LYPLAL1: variants seen among roughly 807,000 people sequenced by gnomAD.
LYPLAL1 encodes lysophospholipase like 1, also known as lysophospholipase-like protein 1.
A neutral mutation model predicts 19.7 loss-of-function variants in LYPLAL1; 23 were observed. That is an observed-to-expected ratio of 1.17 (90% CI 0.84 to 1.65). The LOEUF (loss-of-function observed/expected upper bound fraction) is 1.65. LYPLAL1 is among the 40% of genes most tolerant of loss of function. The pLI, the probability that LYPLAL1 is intolerant of heterozygous loss-of-function variation, is 0.00. For missense variants in LYPLAL1, 355 were observed against 279.4 expected, an observed-to-expected ratio of 1.27 and a Z score of -1.93; for synonymous variants, 119 against 96.3, an observed-to-expected ratio of 1.24 and a Z score of -1.38.
intron 3 of LYPLAL1, among the ~76,000 whole-genome samples, chr1:219,198,219 A>C (rs562311017): frequency 1.3e-5 from 2 of 152,148 alleles, no homozygotes; most frequent in African/African-American, 2.4e-5. Flanking sequence ...CAGCATATAC[A>C]GAAGTATTTC....
At chr1:219,328,303 T>A in the LYPLAL1 span, among the ~76,000 whole-genome samples, 35,976 of 152,068 alleles carry the variant, frequency 0.24, 4,833 homozygotes, top group African/African-American at 0.37. Flanking sequence ...CTAGGAAAAA[T>A]TTCCTAAGCT....
the LYPLAL1 span, among the ~76,000 whole-genome samples, chr1:219,398,258 C>CT: frequency 3.9e-5 from 6 of 152,218 alleles, no homozygotes; most frequent in South Asian, 2.1e-4. Context: ...CCCTTTTATT[C>CT]TTTTTTTCTC....
chr1:219,308,287 G>T, the LYPLAL1 span, among the ~76,000 whole-genome samples: 1 of 152,112 alleles, frequency 6.6e-6, no homozygotes, highest in African/African-American at 2.4e-5. Flanking sequence ...AGTTTTAAAA[G>T]GGAAGCATAA....
the LYPLAL1 span, among the ~76,000 whole-genome samples, chr1:219,253,763 G>T: frequency 6.6e-6 from 1 of 152,032 alleles, no homozygotes; most frequent in Non-Finnish European, 1.5e-5. Context: ...TTGTTTTTGG[G>T]TGGAGAGTTC....
At chr1:219,276,494 A>G in the LYPLAL1 span, among the ~76,000 whole-genome samples, 1 of 152,270 alleles carries the variant, frequency 6.6e-6, no homozygotes, top group African/African-American at 2.4e-5. Context: ...GAATTGAGTC[A>G]GCCAGAGGGT....
chr1:219,386,351 C>G, the LYPLAL1 span, among the ~76,000 whole-genome samples: 4 of 152,154 alleles, frequency 2.6e-5, no homozygotes, highest in Non-Finnish European at 4.4e-5. Context: ...AGAAAACTAG[C>G]TGTATGACTG....
intron 2 of LYPLAL1, among the ~76,000 whole-genome samples, chr1:219,179,594 T>G (rs1320253266): frequency 6.6e-6 from 1 of 152,224 alleles, no homozygotes; most frequent in African/African-American, 2.4e-5. Context: ...CTCCAACAAG[T>G]ATAATCTTTC....
chr1:219,431,693 T>A, the LYPLAL1 span, among the ~76,000 whole-genome samples: 301 of 152,348 alleles, frequency 2.0e-3, 2 homozygotes, highest in African/African-American at 7.1e-3. Context: ...ATTTCTCCTT[T>A]CTTGCTTGTT....
the LYPLAL1 span, among the ~76,000 whole-genome samples, chr1:219,428,704 C>T: frequency 6.6e-6 from 1 of 152,212 alleles, no homozygotes. Context: ...GCTTAATATT[C>T]AAACAATCAT....
chr1:219,416,549 C>T, the LYPLAL1 span, among the ~76,000 whole-genome samples: 7 of 152,152 alleles, frequency 4.6e-5, no homozygotes, highest in Admixed American at 4.6e-4. Context: ...GAGTCAGCAA[C>T]ATATGGGCTT....
the LYPLAL1 span, among the ~76,000 whole-genome samples, chr1:219,391,742 GT>G: frequency 6.6e-6 from 1 of 152,010 alleles, no homozygotes; most frequent in Non-Finnish European, 1.5e-5. Context: ...GTTGAATTTT[GT>G]TTCTACTCTT....
chr1:219,289,590 A>C, the LYPLAL1 span, among the ~76,000 whole-genome samples: 2 of 152,176 alleles, frequency 1.3e-5, no homozygotes, highest in African/African-American at 4.8e-5. Flanking sequence ...GTGGGCATGC[A>C]GAAAGAAGTA....
At chr1:219,316,477 T>G in the LYPLAL1 span, among the ~76,000 whole-genome samples, 22 of 152,190 alleles carry the variant, frequency 1.4e-4, no homozygotes, top group Non-Finnish European at 2.9e-4. Context: ...AAGTGTTCTT[T>G]CCTTTTAAAT....
chr1:219,283,237 TC>T, the LYPLAL1 span, among the ~76,000 whole-genome samples: 2 of 152,204 alleles, frequency 1.3e-5, no homozygotes, highest in East Asian at 3.8e-4. Flanking sequence ...CAGGGCATGT[TC>T]TTTGCCATGT....
the LYPLAL1 span, among the ~76,000 whole-genome samples, chr1:219,256,709 T>G: frequency 4.1e-4 from 63 of 152,166 alleles, no homozygotes; most frequent in African/African-American, 1.5e-3. Flanking sequence ...AATATATGTT[T>G]GTAAGATAAC....
chr1:219,239,056 T>C, the LYPLAL1 span, among the ~76,000 whole-genome samples: 1 of 152,188 alleles, frequency 6.6e-6, no homozygotes, highest in Non-Finnish European at 1.5e-5. Flanking sequence ...ATTACTTTAA[T>C]TATTTTCTAT....
At chr1:219,383,216 A>G in the LYPLAL1 span, among the ~76,000 whole-genome samples, 1 of 152,340 alleles carries the variant, frequency 6.6e-6, no homozygotes, top group African/African-American at 2.4e-5. Flanking sequence ...CACTTGTCCT[A>G]AGAACATTTA....
chr1:219,391,608 G>T, the LYPLAL1 span, among the ~76,000 whole-genome samples: 1 of 150,280 alleles, frequency 6.7e-6, no homozygotes, highest in African/African-American at 2.4e-5. Flanking sequence ...TTTTCTCTTT[G>T]TCTCACTGAA....
chr1:219,400,334 C>T, the LYPLAL1 span, among the ~76,000 whole-genome samples: 1 of 152,064 alleles, frequency 6.6e-6, no homozygotes, highest in African/African-American at 2.4e-5. Context: ...CTTTTTCATA[C>T]TACAACTATT....
Sources: gnomAD v4.1 joint callset for allele counts (sites outside exome capture counted in the v4.1 genomes callset) on GRCh38, gnomAD v4.1.1 for gene constraint, MANE v1.5 for transcripts, NCBI Gene and HGNC (gene_info 2026-07-23, HGNC 2026-07-21) for gene names.